Variants in NAV2 observed in about 807,000 individuals in gnomAD.
NAV2 encodes helicase, APC down-regulated 1.
A neutral mutation model predicts 223.2 loss-of-function variants in NAV2; 54 were observed. The observed-to-expected ratio is 0.24, with a 90% CI of 0.19 to 0.30. The LOEUF (loss-of-function observed/expected upper bound fraction) is 0.30, where lower values mean the gene tolerates loss of function less well. Ranked by LOEUF, NAV2 falls within the 10% of genes least tolerant of loss-of-function variation. The probability of loss-of-function intolerance (pLI) is 1.00; values close to 1 mark genes in which losing one functional copy is unlikely to be tolerated. For synonymous variants in NAV2, 1,279 were observed against 1,239.3 expected, an observed-to-expected ratio of 1.03 and a Z score of -0.67; for missense variants, 2,806 against 3,147.5, an observed-to-expected ratio of 0.89 and a Z score of 2.60.
intron 1 of NAV2, among the ~76,000 whole-genome samples, chr11:19,700,323 G>A (rs754368098): frequency 1.6e-4 from 24 of 152,104 alleles, no homozygotes; most frequent in Admixed American, 3.3e-4. Context: ...GGCACAGTTC[G>A]GACCCATGCA....
In NAV2 at chr11:20,075,217, GTT is replaced by G. The variant is rs1386079912; in HGVS notation, c.4984-2332_4984-2331del. On this transcript the variant is annotated intron_variant, in intron 22 of 37. Coordinates refer to ENST00000349880, the MANE Select transcript of NAV2 (RefSeq NM_145117.5). ...CTGTCTCCATGTTTTTTGTTTTTTT[GTT>G]TTGTTTTTTTTTTTTTTGAGACAGA... 6.9e-3 allele frequency among the ~76,000 whole-genome samples: 693 copies of G among 100,704 alleles called. 5 individuals carry two copies. The highest frequency in any genetic ancestry group is 0.037 in the African/African-American group (647 of 17,376). 66.1% of individuals were successfully genotyped at this position (100,704 alleles called of 152,430 possible).
At chr11:19,519,203 A>G (rs539636359) in intron 1 of NAV2, among the ~76,000 whole-genome samples, 2 of 152,292 alleles carry the variant, frequency 1.3e-5, no homozygotes, top group South Asian at 4.1e-4. Flanking sequence ...CGTTCCCAAA[A>G]TCTTTGTGGA....
At chr11:20,090,299 G>C (rs1011814977) in intron 26 of NAV2, among the ~76,000 whole-genome samples, 7 of 152,140 alleles carry the variant, frequency 4.6e-5, no homozygotes, top group African/African-American at 7.2e-5. Flanking sequence ...GCCCAGCTGT[G>C]TACACATGGT....
At chr11:19,902,600 G>A (rs545034350) in intron 6 of NAV2, among the ~76,000 whole-genome samples, 1 of 152,328 alleles carries the variant, frequency 6.6e-6, no homozygotes, top group South Asian at 2.1e-4. Flanking sequence ...CCGATCTTCA[G>A]ATGATAAATC....
chr11:19,842,986 T>C, intron 3 of NAV2, 63 bp downstream of exon 3: 4 of 1,361,574 alleles, frequency 2.9e-6, no homozygotes, highest in Non-Finnish European at 4.2e-6. Flanking sequence ...CTAAGTGATA[T>C]TGACCATCTT....
At chr11:19,985,551 T>G (rs111905822) in intron 11 of NAV2, among the ~76,000 whole-genome samples, 8 of 85,484 alleles carry the variant, frequency 9.4e-5, no homozygotes, top group African/African-American at 2.6e-4. Context: ...GAAAAAAAAG[T>G]TTTTTTTGTT....
At chr11:19,697,619 G>A (rs1381342335) in intron 1 of NAV2, among the ~76,000 whole-genome samples, 2 of 152,060 alleles carry the variant, frequency 1.3e-5, no homozygotes. Context: ...AGGCAAGGAT[G>A]GGGCAGGAGG....
chr11:19,916,917 T>A (rs1172022409), intron 6 of NAV2, among the ~76,000 whole-genome samples: 1 of 152,198 alleles, frequency 6.6e-6, no homozygotes, highest in Admixed American at 6.5e-5. Context: ...AGGGCCAAAA[T>A]CTGTGAAGGA....
chr11:19,408,441 G>A (rs1270296083), intron 1 of NAV2, among the ~76,000 whole-genome samples: 1 of 152,146 alleles, frequency 6.6e-6, no homozygotes, highest in Non-Finnish European at 1.5e-5. Context: ...TATTGTATGT[G>A]GTTTCCCATA....
chr11:19,514,920 C>A lies in NAV2; in HGVS notation c.75+163893C>A, dbSNP rs528704345. On this transcript the variant is annotated intron_variant, in intron 1 of 37. Coordinates refer to the NAV2 transcript ENST00000360655. ...GAGCTGTTTAATTCTAATCATCCAC[C>A]CTTCGTTTCAAAATGGTGCAAGGTG... Among the ~76,000 whole-genome samples the A allele has an allele frequency of 2.1e-4, 32 of 152,236 alleles. 1 individual carries two copies. Among genetic ancestry groups the A allele is most frequent in the Admixed American group, 5.9e-4 (9 of 15,292 alleles).
At chr11:19,583,843 T>C (rs1405357136) in intron 1 of NAV2, among the ~76,000 whole-genome samples, 1 of 152,228 alleles carries the variant, frequency 6.6e-6, no homozygotes, top group African/African-American at 2.4e-5. Flanking sequence ...ATTCTCTTTT[T>C]TTGTTGTGTC....
chr11:19,793,174 C>T (rs886093759), intron 1 of NAV2, among the ~76,000 whole-genome samples: 1 of 141,242 alleles, frequency 7.1e-6, no homozygotes, highest in African/African-American at 2.7e-5. Context: ...TGTCATTGCA[C>T]TCCAGCCTGG....
chr11:19,387,261 G>A (rs2702683), intron 1 of NAV2, among the ~76,000 whole-genome samples: 7,891 of 152,184 alleles, frequency 0.052, 671 homozygotes, highest in African/African-American at 0.18. Context: ...GCATGGTGGC[G>A]GGAGGAGGAG....
intron 1 of NAV2, among the ~76,000 whole-genome samples, chr11:19,455,986 G>A (rs1207287699): frequency 6.6e-6 from 1 of 152,190 alleles, no homozygotes; most frequent in Non-Finnish European, 1.5e-5. Context: ...ATTCATGGTG[G>A]GGCCAGCCCT....
chr11:19,488,064 G>A (rs2042504800), intron 1 of NAV2, among the ~76,000 whole-genome samples: 5 of 152,126 alleles, frequency 3.3e-5, no homozygotes, highest in Admixed American at 3.3e-4. Context: ...ACCTCCTCCA[G>A]CTTCAGGAAA....
chr11:19,918,833 C>T (rs2044024320), intron 6 of NAV2, among the ~76,000 whole-genome samples: 1 of 152,218 alleles, frequency 6.6e-6, no homozygotes, highest in South Asian at 2.1e-4. Flanking sequence ...TGCCCTCGGA[C>T]TGAGTTAGGC....
intron 36 of NAV2, 31 bp downstream of exon 36, chr11:20,107,813 A>T: frequency 6.9e-7 from 1 of 1,448,048 alleles, no homozygotes; most frequent in Non-Finnish European, 9.7e-7. Context: ...GCTTCCTTGA[A>T]GCTGAGGGGG....
chr11:19,379,224 G>A (rs1413815644), intron 1 of NAV2, among the ~76,000 whole-genome samples: 1 of 152,172 alleles, frequency 6.6e-6, no homozygotes, highest in African/African-American at 2.4e-5. Flanking sequence ...GACTGGATGG[G>A]GCGTGAGCAG....
intron 1 of NAV2, among the ~76,000 whole-genome samples, chr11:19,431,261 G>A (rs1456006427): frequency 1.3e-5 from 2 of 152,198 alleles, no homozygotes; most frequent in Non-Finnish European, 1.5e-5. Context: ...GCTTCCTGGA[G>A]CAAGAAGGTA....
Sources: allele counts gnomAD v4.1 joint callset (sites outside exome capture counted in the v4.1 genomes callset), GRCh38; gene constraint gnomAD v4.1.1; transcripts MANE v1.5; gene names NCBI Gene and HGNC (gene_info 2026-07-23, HGNC 2026-07-21).